The following FAM177A1 variants were observed in gnomAD, a reference collection of about 807,000 sequenced individuals.
FAM177A1 encodes protein FAM177A1.
In FAM177A1, 22 loss-of-function variants were observed where a neutral mutation model predicts 26.1. The observed-to-expected ratio is 0.84, with a 90% CI of 0.60 to 1.20. FAM177A1 has a LOEUF of 1.20. FAM177A1 is among the 50% of genes most tolerant of loss of function. The pLI is 0.00. For synonymous variants in FAM177A1, 95 were observed against 99.3 expected (o/e 0.96, Z 0.26); for missense variants, 296 against 291.1 (o/e 1.02, Z -0.12).
intron 2 of FAM177A1, among the ~76,000 whole-genome samples, chr14:35,070,222 G>A (rs1337172580): frequency 6.7e-6 from 1 of 149,324 alleles, no homozygotes; most frequent in Non-Finnish European, 1.5e-5. Flanking sequence ...GTACCTTAAG[G>A]TACATGTTGG....
intron 2 of FAM177A1, among the ~76,000 whole-genome samples, chr14:35,069,916 G>T (rs551873848): frequency 4.0e-5 from 6 of 151,398 alleles, no homozygotes; most frequent in African/African-American, 1.5e-4. Context: ...AGGAGTTCAA[G>T]ATCAGCCTTG....
chr14:35,057,420 TCAC>T (rs1451419608), intron 2 of FAM177A1, among the ~76,000 whole-genome samples: 1 of 152,052 alleles, frequency 6.6e-6, no homozygotes, highest in Non-Finnish European at 1.5e-5. Flanking sequence ...TCTCACTCTG[TCAC>T]CCAGGCTGGA....
At position 35,078,926 on chromosome 14, in the gene FAM177A1, G is replaced by A. The variant is rs2045437293; in HGVS notation, c.407-1G>A. 1.3e-6 allele frequency: 2 copies of A among 1,527,888 alleles called. No homozygotes were observed. The highest frequency in any genetic ancestry group is 1.7e-6 in the Non-Finnish European group (2 of 1,149,716). 94.6% of individuals were successfully genotyped at this position (1,527,888 alleles called of 1,614,324 possible). A position where few individuals can be genotyped will look rare whatever the true frequency, so the allele number is the denominator to read the frequency against. Reference sequence around the variant, plus strand: ...AAGTCTTTTAACTTTTGTATTTTCAGTGTGTGACTTCCTTGGAGAGAAGAT... The same window carrying A: ...AAGTCTTTTAACTTTTGTATTTTCAATGTGTGACTTCCTTGGAGAGAAGAT... On this transcript the variant is annotated splice_acceptor_variant, in intron 3 of 4. Coordinates refer to ENST00000280987, the MANE Select transcript of FAM177A1 (RefSeq NM_173607.5). LOFTEE classifies it high-confidence loss of function.
chr14:35,049,552 G>A (rs1262596452), intron 1 of FAM177A1, among the ~76,000 whole-genome samples: 1 of 152,168 alleles, frequency 6.6e-6, no homozygotes, highest in Non-Finnish European at 1.5e-5. Context: ...GGAAGGCTGA[G>A]GCCAGTGGAT....
At chr14:35,045,784 T>A (rs1290070259), upstream of FAM177A1, among the ~76,000 whole-genome samples, 1 of 152,190 alleles carries the variant, frequency 6.6e-6, no homozygotes, top group Non-Finnish European at 1.5e-5. Flanking sequence ...TTCCTTACAT[T>A]TGTCAAGATG....
intron 4 of FAM177A1, 90 bp from the exon 5 acceptor site, chr14:35,080,932 T>TTAA: frequency 6.9e-6 from 9 of 1,303,892 alleles, no homozygotes; most frequent in South Asian, 4.3e-5. Flanking sequence ...TTTTTTTTTT[T>TTAA]AAACATAAGC....
At chr14:35,046,685 C>A in intron 1 of FAM177A1, 57 bp downstream of exon 1, 2 of 1,487,362 alleles carry the variant, frequency 1.3e-6, no homozygotes, top group South Asian at 2.6e-5. Context: ...CTTGCCTTCT[C>A]CGCGGGCCGC....
intron 2 of FAM177A1, among the ~76,000 whole-genome samples, chr14:35,076,209 T>C (rs2045393070): frequency 1.3e-5 from 2 of 152,106 alleles, no homozygotes; most frequent in African/African-American, 4.8e-5. Flanking sequence ...CCATCAATGA[T>C]AGACTGGGTT....
At chr14:35,071,233 G>A (rs867817098) in intron 2 of FAM177A1, among the ~76,000 whole-genome samples, 1 of 151,802 alleles carries the variant, frequency 6.6e-6, no homozygotes, top group Admixed American at 6.6e-5. Context: ...TCTTGACCTC[G>A]TGATCCACCC....
chr14:35,078,837 ACT>A, intron 3 of FAM177A1, 88 bp from the exon 4 acceptor site: 1 of 793,442 alleles, frequency 1.3e-6, no homozygotes. Flanking sequence ...AGGAACAGTA[ACT>A]CTTGTATTCC....
At chr14:35,065,322 T>C (rs1421316634) in intron 2 of FAM177A1, among the ~76,000 whole-genome samples, 1 of 151,146 alleles carries the variant, frequency 6.6e-6, no homozygotes, top group Non-Finnish European at 1.5e-5. Context: ...TAAACCATAA[T>C]GTATTCAGCC....
At chr14:35,070,975 G>A (rs1054335791) in intron 2 of FAM177A1, among the ~76,000 whole-genome samples, 1 of 150,642 alleles carries the variant, frequency 6.6e-6, no homozygotes, top group Non-Finnish European at 1.5e-5. Context: ...TTCTTATATT[G>A]ACCTCCATTT....
chr14:35,077,103 G>A (rs747482088), intron 2 of FAM177A1, 47 bp from the exon 3 acceptor site: 1 of 1,443,482 alleles, frequency 6.9e-7, no homozygotes, highest in East Asian at 2.3e-5. Flanking sequence ...CTAAATATAT[G>A]GAATGAATTT....
intron 2 of FAM177A1, among the ~76,000 whole-genome samples, chr14:35,066,740 A>T (rs1282628710): frequency 1.3e-5 from 2 of 151,220 alleles, no homozygotes; most frequent in African/African-American, 4.9e-5. Flanking sequence ...TGATGTATAT[A>T]TTTAAATGCC....
chr14:35,048,973 C>G (rs1017973121), intron 1 of FAM177A1, among the ~76,000 whole-genome samples: 1 of 151,712 alleles, frequency 6.6e-6, no homozygotes, highest in African/African-American at 2.4e-5. Flanking sequence ...TCACTGCAAC[C>G]TCCACCTCCC....
rs1225710700 is a variant in FAM177A1 at position 35,078,917 on chromosome 14, G to C, written c.407-10G>C. 13 of 1,516,320 alleles carry C rather than the reference G, an allele frequency of 8.6e-6. No individual in the cohort carries two copies. The highest frequency in any genetic ancestry group is 1.5e-5 in the African/African-American group (1 of 68,898). The allele number at this position is 1,516,320 out of a possible 1,614,324, so 93.9% of individuals were successfully genotyped here. On this transcript the variant is annotated splice_polypyrimidine_tract_variant and intron_variant, in intron 3 of 4. Coordinates refer to ENST00000280987, the MANE Select transcript of FAM177A1 (RefSeq NM_173607.5). ...GAATTATATAAGTCTTTTAACTTTT[G>C]TATTTTCAGTGTGTGACTTCCTTGG...
intron 1 of FAM177A1, among the ~76,000 whole-genome samples, chr14:35,049,126 T>G (rs2044923274): frequency 6.6e-6 from 1 of 151,752 alleles, no homozygotes; most frequent in Non-Finnish European, 1.5e-5. Context: ...CCTGACCTTG[T>G]GATCCACCTG....
intron 2 of FAM177A1, among the ~76,000 whole-genome samples, chr14:35,068,873 A>G (rs569218107): frequency 0.011 from 1,642 of 152,300 alleles, 36 homozygotes; most frequent in African/African-American, 0.038. Context: ...CAAGAGGGTG[A>G]GAGAGAGACA....
intron 1 of FAM177A1, 136 bp downstream of exon 1, chr14:35,046,764 C>A: frequency 7.2e-7 from 1 of 1,393,646 alleles, no homozygotes; most frequent in South Asian, 1.6e-5. Flanking sequence ...CACTGCACCC[C>A]TGTTTCTGCT....
Sources: allele counts gnomAD v4.1 joint callset (sites outside exome capture counted in the v4.1 genomes callset), GRCh38; gene constraint gnomAD v4.1.1; transcripts MANE v1.5; gene names NCBI Gene and HGNC (gene_info 2026-07-23, HGNC 2026-07-21).